FHIT: variants seen among roughly 807,000 people sequenced by gnomAD.
FHIT encodes the protein fragile histidine triad diadenosine triphosphatase, also known as bis(5'-adenosyl)-triphosphatase.
FHIT carries 19 observed loss-of-function variants against 17.9 expected under a neutral mutation model. The observed-to-expected ratio is 1.06, with a 90% CI of 0.74 to 1.56. FHIT has a LOEUF of 1.56. Among genes scored for constraint, FHIT ranks in the 40% most tolerant of loss-of-function variants. The pLI, the probability that FHIT is intolerant of heterozygous loss-of-function variation, is 0.00. For missense variants in FHIT, 248 were observed against 189.2 expected (o/e 1.31, Z -1.82); for synonymous variants, 81 against 69.7 (o/e 1.16, Z -0.81).
intron 2 of FHIT, among the ~76,000 whole-genome samples, chr3:61,192,846 G>A (rs1464575467): frequency 6.6e-6 from 1 of 152,184 alleles, no homozygotes; most frequent in Non-Finnish European, 1.5e-5. Flanking sequence ...TATCATGGGA[G>A]TCATAAAGTA....
intron 5 of FHIT, among the ~76,000 whole-genome samples, chr3:60,156,051 A>C (rs906240019): frequency 2.6e-5 from 4 of 152,136 alleles, no homozygotes; most frequent in African/African-American, 9.7e-5. Flanking sequence ...AAAAAATAAC[A>C]CTATAAAAAA....
chr3:60,996,527 G>T (rs1177768262), intron 3 of FHIT, among the ~76,000 whole-genome samples: 1 of 152,112 alleles, frequency 6.6e-6, no homozygotes, highest in Non-Finnish European at 1.5e-5. Context: ...CTATTTGATT[G>T]TTTAAAGGAA....
chr3:59,852,121 C>T (rs924851301), intron 8 of FHIT, among the ~76,000 whole-genome samples: 1 of 152,150 alleles, frequency 6.6e-6, no homozygotes, highest in East Asian at 1.9e-4. Context: ...TGTTCTCCAG[C>T]ATATGGCTCT....
chr3:60,699,288 G>A (rs1553701433), intron 4 of FHIT, among the ~76,000 whole-genome samples: 1 of 152,116 alleles, frequency 6.6e-6, no homozygotes, highest in African/African-American at 2.4e-5. Flanking sequence ...GGACCAGAAA[G>A]TATAAACATT....
chr3:59,908,513 G>T (rs766778905), intron 8 of FHIT, among the ~76,000 whole-genome samples: 3 of 152,162 alleles, frequency 2.0e-5, no homozygotes, highest in East Asian at 3.9e-4. Context: ...ATCCTGCAAA[G>T]AATGATGGCA....
At chr3:60,717,731 A>T (rs1553707145) in intron 4 of FHIT, among the ~76,000 whole-genome samples, 1 of 152,176 alleles carries the variant, frequency 6.6e-6, no homozygotes, top group African/African-American at 2.4e-5. Context: ...TGGGGTTGAA[A>T]ACACAAATTT....
chr3:59,938,930 G>A (rs1357904998), intron 7 of FHIT, among the ~76,000 whole-genome samples: 1 of 152,168 alleles, frequency 6.6e-6, no homozygotes, highest in East Asian at 1.9e-4. Flanking sequence ...GGTCTAGAAT[G>A]ATGGTGCTGG....
intron 5 of FHIT, among the ~76,000 whole-genome samples, chr3:60,021,770 T>C (rs1478010351): frequency 6.6e-6 from 1 of 152,174 alleles, no homozygotes; most frequent in African/African-American, 2.4e-5. Context: ...TGTTACAATG[T>C]CCATGCTGTT....
rs544049604 is a variant in FHIT at position 60,021,008 on chromosome 3, A to G, written c.104-6856T>C. Among the ~76,000 whole-genome samples, 37 of 152,318 alleles carry G rather than the reference A, an allele frequency of 2.4e-4. 2 individuals carry two copies. In the South Asian group the frequency reaches 7.5e-3, roughly 31 times the overall value. On this transcript the variant is annotated intron_variant, in intron 5 of 9. Coordinates refer to ENST00000492590, the MANE Select transcript of FHIT (RefSeq NM_002012.4). Reference sequence around the variant, plus strand: ...TGGGGATTAACATACTCATTTCAGTAACTCAATAAAGGGTTCATGGGATAT... The same window carrying G: ...TGGGGATTAACATACTCATTTCAGTGACTCAATAAAGGGTTCATGGGATAT...
rs538038630 is a variant in FHIT, at chr3:60,709,493, A to C, written c.-18+112426T>G. On this transcript the variant is annotated intron_variant, in intron 4 of 9. Coordinates refer to ENST00000492590, the MANE Select transcript of FHIT (RefSeq NM_002012.4). ...CTTGCAGAGTAGAACCCGAAACCAC[A>C]TCAAGAAATTTTTAGTGCTCTGTTA... Among the ~76,000 whole-genome samples, 4 of 152,340 alleles carry C rather than the reference A, an allele frequency of 2.6e-5. No homozygotes were observed. The South Asian group carries it at 8.3e-4, about 32-fold the overall frequency.
intron 1 of FHIT, among the ~76,000 whole-genome samples, chr3:61,215,241 T>A (rs934187953): frequency 6.6e-6 from 1 of 151,850 alleles, no homozygotes; most frequent in Non-Finnish European, 1.5e-5. Flanking sequence ...GCAGATGACA[T>A]GATTGTATAT....
chr3:60,158,968 G>C (rs139862990), intron 5 of FHIT, among the ~76,000 whole-genome samples: 305 of 152,162 alleles, frequency 2.0e-3, no homozygotes, highest in Non-Finnish European at 2.9e-3. Context: ...TCACCTCCAA[G>C]TGTGTTCCTG....
intron 3 of FHIT, among the ~76,000 whole-genome samples, chr3:60,917,893 T>A (rs1358583924): frequency 6.6e-6 from 1 of 152,164 alleles, no homozygotes; most frequent in Non-Finnish European, 1.5e-5. Flanking sequence ...AAAAAGTGCA[T>A]CCCAACCAGA....
At chr3:60,504,850 A>C (rs2034663871) in intron 5 of FHIT, among the ~76,000 whole-genome samples, 1 of 152,314 alleles carries the variant, frequency 6.6e-6, no homozygotes, top group African/African-American at 2.4e-5. Context: ...TTAATTTATA[A>C]TTATTTTTCA....
rs1395326803 is a variant in FHIT, at chr3:61,229,781, G to A, written c.-213+21520C>T. Among the ~76,000 whole-genome samples the A allele has an allele frequency of 3.9e-5, 6 of 151,962 alleles. No homozygotes were observed. The East Asian group carries it at 1.2e-3, about 29-fold the overall frequency. On this transcript the variant is annotated intron_variant, in intron 1 of 9. Coordinates refer to ENST00000492590, the MANE Select transcript of FHIT (RefSeq NM_002012.4). ...AGACCTTAGAACAATATATCAACAG[G>A]TGTAATAACAGCTAATTTATGCAGT...
chr3:60,113,897 G>C (rs1704799473), intron 5 of FHIT, among the ~76,000 whole-genome samples: 1 of 146,342 alleles, frequency 6.8e-6, no homozygotes, highest in Non-Finnish European at 1.5e-5. Flanking sequence ...AGCTACTGGG[G>C]TGGCTGAGGC....
intron 5 of FHIT, among the ~76,000 whole-genome samples, chr3:60,528,032 G>C (rs569404910): frequency 6.6e-6 from 1 of 152,330 alleles, no homozygotes; most frequent in African/African-American, 2.4e-5. Context: ...AGAGTGCAGA[G>C]GTGCAATCAC....
At chr3:59,971,637 G>A (rs1412656207) in intron 7 of FHIT, among the ~76,000 whole-genome samples, 1 of 152,102 alleles carries the variant, frequency 6.6e-6, no homozygotes, top group African/African-American at 2.4e-5. Flanking sequence ...AATACCATGT[G>A]CATCAACCAA....
intron 4 of FHIT, among the ~76,000 whole-genome samples, chr3:60,628,249 G>C (rs1553681536): frequency 6.6e-6 from 1 of 152,070 alleles, no homozygotes; most frequent in South Asian, 2.1e-4. Context: ...CTGTGTATTT[G>C]CAAGTTTCCA....
Sources: gnomAD v4.1 joint callset for allele counts (sites outside exome capture counted in the v4.1 genomes callset) on GRCh38, gnomAD v4.1.1 for gene constraint, MANE v1.5 for transcripts, NCBI Gene and HGNC (gene_info 2026-07-23, HGNC 2026-07-21) for gene names.